The following UBA1 variants were observed in gnomAD, a reference collection of about 807,000 sequenced individuals.
UBA1 encodes ubiquitin like modifier activating enzyme 1.
UBA1 carries 4 observed loss-of-function variants against 84.7 expected under a neutral mutation model. The ratio of observed to expected loss-of-function variants is 0.05; its 90% CI spans 0.02 to 0.11. The LOEUF (loss-of-function observed/expected upper bound fraction) is 0.11, where lower values mean the gene tolerates loss of function less well. Among genes scored for constraint, UBA1 ranks in the 10% least tolerant of loss-of-function variants. UBA1 has a pLI of 1.00. For missense variants in UBA1, 513 were observed against 902.8 expected (o/e 0.57, Z 5.53); for synonymous variants, 364 against 362.6 (o/e 1.00, Z -0.04).
At position 47,211,103 on chromosome X, in the gene UBA1, C is replaced by G. The variant is rs1556793243; in HGVS notation, c.2342C>G (p.Ser781Cys). 1 of 1,211,814 alleles carries G rather than the reference C, an allele frequency of 8.3e-7. No individual in the cohort carries two copies. The highest frequency in any genetic ancestry group is 1.8e-5 in the South Asian group (1 of 57,008). The change falls in exon 20 of 26, where the codon TCT becomes TGT. Residue 781 changes from serine (S) to cysteine (C), a missense_variant. Physicochemically the swap from Ser to Cys is moderately radical, Grantham distance 112 (BLOSUM62 -1). Around this residue, in one of 6 missense-constraint regions of UBA1, gnomAD observed 151 missense variants for 260.1 expected, o/e 0.58. Coordinates refer to ENST00000335972, the MANE Select transcript of UBA1 (RefSeq NM_003334.4). ...GCCCAGACCTACGGGCTGACAGGCT[C>G]TCAGGACCGAGCTGCTGTGGCCACA... ...LFAQTYGLTG[S>C]QDRAAVATFL...
rs202226405 is a variant in UBA1, at chrX:47,198,746, A to G, written c.1-57A>G. 1,642 of 1,120,856 alleles carry G rather than the reference A, an allele frequency of 1.5e-3. 3 individuals carry two copies. Among genetic ancestry groups the G allele is most frequent in the Middle Eastern group, 5.3e-3 (18 of 3,392 alleles). 92.4% of individuals were successfully genotyped at this position (1,120,856 alleles called of 1,213,427 possible). ...CCTTCCCCCACAGTTGCTACTAACA[A>G]ACAGAAAAACGGTACCCATGTGCTC... is the stretch of plus-strand genomic sequence containing the variant. On this transcript the variant is annotated intron_variant, in intron 1 of 25. Transcript: ENST00000335972.
chrX:47,201,785 G>A (rs1214075101), intron 8 of UBA1, among the ~76,000 whole-genome samples, 175 bp downstream of exon 8: 1 of 112,055 alleles, frequency 8.9e-6, no homozygotes, highest in Non-Finnish European at 1.9e-5. Flanking sequence ...TGGTGGGCAT[G>A]GGGGAGAGGT....
chrX:47,206,180 G>A, intron 15 of UBA1, 67 bp downstream of exon 15: 1 of 1,178,256 alleles, frequency 8.5e-7, no homozygotes, highest in Non-Finnish European at 1.1e-6. Context: ...TATATACCAA[G>A]AGGGGTGTCC....
At position 47,201,282 on chromosome X, in the gene UBA1, C is replaced by G. The variant is rs1556787876; in HGVS notation, c.594C>G (p.Leu198=). Residue 198 remains leucine, a synonymous_variant, in exon 7 of 26, where the codon CTC becomes CTG. Coordinates refer to ENST00000335972, the MANE Select transcript of UBA1 (RefSeq NM_003334.4). ...VADTRGLFGQ[L]FCDFGEEMIL... ...CTATTGCTTCCCTCTACAGGCAGCT[C>G]TTCTGTGACTTTGGAGAGGAAATGA... The G allele has an allele frequency of 8.3e-7, 1 of 1,207,300 alleles. No homozygotes were observed. Among genetic ancestry groups the G allele is most frequent in the South Asian group, 1.8e-5 (1 of 56,027 alleles).
chrX:47,203,906 G>T (rs1360427231), intron 14 of UBA1, among the ~76,000 whole-genome samples: 1 of 108,593 alleles, frequency 9.2e-6, no homozygotes, highest in African/African-American at 3.4e-5. Flanking sequence ...GCGCCACCAC[G>T]CCCGGCTGAT....
intron 14 of UBA1, among the ~76,000 whole-genome samples, chrX:47,204,576 C>T: frequency 9.0e-6 from 1 of 111,436 alleles, no homozygotes; most frequent in Non-Finnish European, 1.9e-5. Context: ...AGGTGTTCAG[C>T]GTAAACTGTA....
At chrX:47,208,294 A>C (rs782381046) in intron 16 of UBA1, among the ~76,000 whole-genome samples, 1 of 94,270 alleles carries the variant, frequency 1.1e-5, no homozygotes, top group Non-Finnish European at 2.1e-5. Flanking sequence ...TGTGTGTGTA[A>C]GTGTCTGTGT....
chrX:47,211,222 G>C lies in UBA1; in HGVS notation c.2461G>C (p.Val821Leu). 8.3e-7 allele frequency: 1 copy of C among 1,208,471 alleles called. No homozygotes were observed. Among genetic ancestry groups the C allele is most frequent in the Non-Finnish European group, 1.1e-6 (1 of 895,511 alleles). Residue 821 changes from valine (V) to leucine (L), a missense_variant, in exon 20 of 26, where the codon GTT (valine) becomes CTT (leucine). By Grantham distance (32) the Val-to-Leu change is conservative. Coordinates refer to ENST00000335972, the MANE Select transcript of UBA1 (RefSeq NM_003334.4). ...DQELQSANAS[V>L]DDSRLEELKA... Reference sequence around the variant, plus strand: ...GGAGCTGCAGAGCGCCAATGCCTCTGTTGGTGAGGGTGTTTGGCCAGTTGG... The same window carrying C: ...GGAGCTGCAGAGCGCCAATGCCTCTCTTGGTGAGGGTGTTTGGCCAGTTGG...
At position 47,203,549 on chromosome X, in the gene UBA1, G is replaced by A. The variant is rs145317174; in HGVS notation, c.1428G>A (p.Ala476=). 6.6e-6 allele frequency: 8 copies of A among 1,210,909 alleles called. No individual in the cohort carries two copies. The highest frequency in any genetic ancestry group is 2.2e-5 in the Admixed American group (1 of 45,980). Residue 476 remains alanine, a synonymous_variant, in exon 14 of 26, where the codon GCG becomes GCA. Transcript: ENST00000335972. ...TCTTGGTTGCTTCTTAGGTGGGTGCGGGGGCCATTGGCTGTGAGCTGCTCA... is the reference window on the plus strand; with the variant it reads ...TCTTGGTTGCTTCTTAGGTGGGTGCAGGGGCCATTGGCTGTGAGCTGCTCA... ...LGKQKYFLVG[A]GAIGCELLKN...
upstream of UBA1, among the ~76,000 whole-genome samples, chrX:47,192,698 C>T (rs1556784509): frequency 9.0e-6 from 1 of 111,175 alleles, no homozygotes; most frequent in Non-Finnish European, 1.9e-5. Context: ...TCAAGCGATT[C>T]TCCTGCCTCA....
chrX:47,201,669 G>C (rs1317763181), intron 8 of UBA1, 59 bp downstream of exon 8: 1 of 1,180,323 alleles, frequency 8.5e-7, no homozygotes, highest in African/African-American at 1.8e-5. Flanking sequence ...CTGGGTTCTG[G>C]CCGGGGAGTT....
chrX:47,201,047 C>G (rs1556787758), intron 6 of UBA1, 47 bp downstream of exon 6: 1 of 1,079,935 alleles, frequency 9.3e-7, no homozygotes, highest in African/African-American at 1.8e-5. Flanking sequence ...CCCCCAACTC[C>G]TACCAAGCCC....
At position 47,193,873 on chromosome X, in the gene UBA1, C is replaced by T. The variant is rs1331622491; in HGVS notation, c.-152C>T. ...GCTGTAAGGAGGTGGCAGGGACAACCACAACCACAACGGCCGGGGGAGGAG... is the reference window on the plus strand; with the variant it reads ...GCTGTAAGGAGGTGGCAGGGACAACTACAACCACAACGGCCGGGGGAGGAG... On this transcript the variant is annotated 5_prime_UTR_variant, in exon 1 of 26. Coordinates refer to ENST00000335972, the MANE Select transcript of UBA1 (RefSeq NM_003334.4). 1.8e-5 allele frequency: 2 copies of T among 111,858 alleles called. No homozygotes were observed. The highest frequency in any genetic ancestry group is 6.5e-5 in the African/African-American group (2 of 30,660). The allele number at this position is 111,858 out of a possible 1,213,427, so 9.2% of individuals were successfully genotyped here. A position where few individuals can be genotyped will look rare whatever the true frequency, so the allele number is the denominator to read the frequency against.
chrX:47,198,093 GT>G, intron 1 of UBA1: 1 of 907,913 alleles, frequency 1.1e-6, no homozygotes, highest in Non-Finnish European at 1.4e-6. Flanking sequence ...GTCTGTGTCG[GT>G]TTTCCCCTCC....
chrX:47,202,566 C>T lies in UBA1; in HGVS notation c.1056+62C>T. On this transcript the variant is annotated intron_variant, in intron 10 of 25. Coordinates refer to ENST00000335972, the MANE Select transcript of UBA1 (RefSeq NM_003334.4). ...CTGGCACTGCAGGCTCACCATGCCT[C>T]TCTGCGTGTCCACACTCCCTGCCCT... The T allele has an allele frequency of 8.3e-6, 10 of 1,205,606 alleles. No individual in the cohort carries two copies. In the South Asian group the frequency reaches 1.4e-4, roughly 17 times the overall value.
At chrX:47,212,562 A>G in intron 21 of UBA1, 50 bp downstream of exon 21, 1 of 1,103,162 alleles carries the variant, frequency 9.1e-7, no homozygotes, top group Non-Finnish European at 1.2e-6. Context: ...AAGCATAGAC[A>G]GGCTGGAGAA....
chrX:47,206,879 A>G (rs1157697149), intron 16 of UBA1, among the ~76,000 whole-genome samples: 1 of 110,750 alleles, frequency 9.0e-6, no homozygotes, highest in Non-Finnish European at 1.9e-5. Flanking sequence ...TCTTAGCTTC[A>G]GCACTACTGA....
chrX:47,214,092 C>CA (rs1472530008), intron 23 of UBA1, among the ~76,000 whole-genome samples: 1 of 110,863 alleles, frequency 9.0e-6, no homozygotes, highest in East Asian at 2.8e-4. Flanking sequence ...GTGTGCCTGG[C>CA]AAGTTGGAGG....
chrX:47,202,869 C>CT (rs1219377968), intron 11 of UBA1, 55 bp downstream of exon 11: 3 of 1,197,780 alleles, frequency 2.5e-6, no homozygotes, highest in Non-Finnish European at 3.4e-6. Context: ...CTCCATGACT[C>CT]TGTCACTTGC....
Sources: allele counts gnomAD v4.1 joint callset (sites outside exome capture counted in the v4.1 genomes callset), GRCh38; gene constraint gnomAD v4.1.1; regional missense constraint gnomAD v4.1.1; transcripts MANE v1.5; gene names NCBI Gene and HGNC (gene_info 2026-07-23, HGNC 2026-07-21).